The following SIPA1L1 variants were observed in gnomAD, a reference collection of about 807,000 sequenced individuals.
SIPA1L1 encodes signal-induced proliferation-associated 1-like protein 1.
SIPA1L1 carries 26 observed loss-of-function variants against 162.7 expected under a neutral mutation model. The ratio of observed to expected loss-of-function variants is 0.16; its 90% CI spans 0.12 to 0.22. The LOEUF is 0.22. Among genes scored for constraint, SIPA1L1 ranks in the 10% least tolerant of loss-of-function variants. The pLI is 1.00. For missense variants in SIPA1L1, 1,874 were observed against 2,241.0 expected, an observed-to-expected ratio of 0.84 and a Z score of 3.31; for synonymous variants, 829 against 837.4, an observed-to-expected ratio of 0.99 and a Z score of 0.17.
At chr14:71,737,659 T>G (rs1205788378) in intron 22 of SIPA1L1, among the ~76,000 whole-genome samples, 1 of 152,050 alleles carries the variant, frequency 6.6e-6, no homozygotes, top group African/African-American at 2.4e-5. Context: ...AAGAAAATGG[T>G]TTTTTGATCA....
intron 2 of SIPA1L1, among the ~76,000 whole-genome samples, chr14:71,423,235 G>A (rs987942347): frequency 6.6e-6 from 1 of 152,060 alleles, no homozygotes; most frequent in African/African-American, 2.4e-5. Flanking sequence ...TCAGATATAT[G>A]AATATGATTT....
chr14:71,382,274 T>G (rs1324422161), intron 2 of SIPA1L1, among the ~76,000 whole-genome samples: 1 of 152,192 alleles, frequency 6.6e-6, no homozygotes, highest in Non-Finnish European at 1.5e-5. Flanking sequence ...TGTAGTTTGG[T>G]GCTGATATTA....
At chr14:71,667,622 G>A (rs555968165) in intron 10 of SIPA1L1, among the ~76,000 whole-genome samples, 41 of 152,324 alleles carry the variant, frequency 2.7e-4, no homozygotes, top group African/African-American at 8.9e-4. Context: ...TCCAAGAAGA[G>A]GAAACTTCCT....
intron 8 of SIPA1L1, among the ~76,000 whole-genome samples, chr14:71,655,365 C>G (rs1008491029): frequency 3.9e-5 from 6 of 152,086 alleles, no homozygotes; most frequent in Non-Finnish European, 8.8e-5. Flanking sequence ...TTTATCCAGT[C>G]TACCATTGAT....
chr14:71,479,117 C>T (rs1263957170), intron 2 of SIPA1L1, among the ~76,000 whole-genome samples: 3 of 152,002 alleles, frequency 2.0e-5, no homozygotes, highest in African/African-American at 2.4e-5. Context: ...TGATTTCTTA[C>T]GAAAAAAGTG....
At chr14:71,639,391 C>G (rs1166563722) in intron 7 of SIPA1L1, among the ~76,000 whole-genome samples, 1 of 152,166 alleles carries the variant, frequency 6.6e-6, no homozygotes, top group Non-Finnish European at 1.5e-5. Context: ...GCCTGGGTGA[C>G]AGATTAAGTC....
Position 71,724,817 on chromosome 14 carries a change from A to G in SIPA1L1, c.4596A>G (p.Glu1532=), listed in dbSNP as rs772740912. 1.3e-5 allele frequency: 21 copies of G among 1,614,026 alleles called. No individual in the cohort carries two copies. Among genetic ancestry groups the G allele is most frequent in the Admixed American group, 6.7e-5 (4 of 59,996 alleles). ...KLIDLESPTP[E]SQKSFKFHAL... ...TTGATCTTGAAAGCCCAACTCCTGA[A>G]TCACAGAAGAGTTTTAAGGTACAAG... is the stretch of plus-strand genomic sequence containing the variant. Residue 1532 remains glutamate (E), a synonymous_variant, in exon 19 of 24, where the codon GAA becomes GAG. Coordinates refer to ENST00000381232, the MANE Select transcript of SIPA1L1 (RefSeq NM_001386936.1).
chr14:71,580,969 TCTGC>T (rs889306137), intron 4 of SIPA1L1, among the ~76,000 whole-genome samples: 1 of 152,214 alleles, frequency 6.6e-6, no homozygotes, highest in African/African-American at 2.4e-5. Context: ...TTTTAATCTG[TCTGC>T]CTGCCTGCCT....
intron 5 of SIPA1L1, among the ~76,000 whole-genome samples, chr14:71,608,892 A>AAAAAAAAAACAAAAC (rs2037849139): frequency 6.6e-6 from 1 of 152,184 alleles, no homozygotes; most frequent in Non-Finnish European, 1.5e-5. Flanking sequence ...ACTCTGTCTC[A>AAAAAAAAAACAAAAC]AAAAACAAAA....
At chr14:71,522,919 C>T (rs762802435) in intron 3 of SIPA1L1, among the ~76,000 whole-genome samples, 6 of 152,152 alleles carry the variant, frequency 3.9e-5, no homozygotes, top group Admixed American at 2.6e-4. Context: ...GTGATCCACC[C>T]GCCTTGGCCT....
In SIPA1L1 at chr14:71,588,340, T is replaced by G; in HGVS notation, c.468T>G (p.Pro156=). 6.2e-7 allele frequency: 1 copy of G among 1,613,724 alleles called. No homozygotes were observed. ...ACATGGACTCCAGATTTCTCATGCCTGAAGCCTACCCCAGCTCCCCCAGAA... is the reference window on the plus strand; with the variant it reads ...ACATGGACTCCAGATTTCTCATGCCGGAAGCCTACCCCAGCTCCCCCAGAA... ...SENMDSRFLM[P]EAYPSSPRKA... The change falls in exon 5 of 24, where the codon CCT becomes CCG. Residue 156 remains proline (P), a synonymous_variant. Coordinates refer to ENST00000381232, the MANE Select transcript of SIPA1L1 (RefSeq NM_001386936.1). This position sits in a 1 kb window ranked among gnomAD's most constrained non-coding sequence, Gnocchi z 4.3.
At position 71,601,035 on chromosome 14, in the gene SIPA1L1, C is replaced by T. The variant is rs529648658; in HGVS notation, c.1498+11665C>T. On this transcript the variant is annotated intron_variant, in intron 5 of 23. Transcript: ENST00000381232. ...GTTTTTTCTAGATATAAGATTATAT[C>T]ATCAGCATAGAGGGACGGTTTGACT... 2.6e-3 allele frequency among the ~76,000 whole-genome samples: 391 copies of T among 152,228 alleles called. 1 individual carries two copies. The highest frequency in any genetic ancestry group is 8.9e-3 in the African/African-American group (368 of 41,540).
intron 3 of SIPA1L1, among the ~76,000 whole-genome samples, chr14:71,520,247 G>T (rs1005137297): frequency 6.6e-6 from 1 of 152,146 alleles, no homozygotes; most frequent in African/African-American, 2.4e-5. Flanking sequence ...AATTACAGTG[G>T]TGGAAGCCTG....
At chr14:71,388,724 G>A (rs1409501101) in intron 2 of SIPA1L1, among the ~76,000 whole-genome samples, 2 of 152,216 alleles carry the variant, frequency 1.3e-5, no homozygotes, top group Admixed American at 6.5e-5. Context: ...TCTGAAAGTG[G>A]TTGTCAGCCC....
intron 2 of SIPA1L1, among the ~76,000 whole-genome samples, chr14:71,495,345 G>T (rs1303564223): frequency 6.6e-6 from 1 of 151,566 alleles, no homozygotes; most frequent in Non-Finnish European, 1.5e-5. Context: ...GTTGGTATTG[G>T]TTATTTATGT....
Position 71,724,840 on chromosome 14 carries a change from A to G in SIPA1L1, c.4614+5A>G. On this transcript the variant is annotated splice_donor_5th_base_variant and intron_variant, in intron 19 of 23. Coordinates refer to ENST00000381232, the MANE Select transcript of SIPA1L1 (RefSeq NM_001386936.1). Reference sequence around the variant, plus strand: ...GAATCACAGAAGAGTTTTAAGGTACAAGACAGAGCTCAGGGTAGATGGCAA... The same window carrying G: ...GAATCACAGAAGAGTTTTAAGGTACGAGACAGAGCTCAGGGTAGATGGCAA... 1 of 1,613,478 alleles carries G rather than the reference A, an allele frequency of 6.2e-7. No individual in the cohort carries two copies. Among genetic ancestry groups the G allele is most frequent in the South Asian group, 1.1e-5 (1 of 90,996 alleles).
At chr14:71,664,833 G>A (rs533459251) in intron 10 of SIPA1L1, among the ~76,000 whole-genome samples, 1 of 151,986 alleles carries the variant, frequency 6.6e-6, no homozygotes, top group Non-Finnish European at 1.5e-5. Context: ...AGAGGTGTGG[G>A]GTCATTACAG....
intron 6 of SIPA1L1, among the ~76,000 whole-genome samples, chr14:71,621,363 G>A (rs1046452766): frequency 3.3e-5 from 5 of 151,988 alleles, no homozygotes; most frequent in South Asian, 2.1e-4. Context: ...ATCTCTCTGC[G>A]CCTCATCCCT....
rs1203307208 is a variant in SIPA1L1, at chr14:71,707,833, T to C, written c.3766-1389T>C. ...GGTATATATATATACCAACGTAGAA[T>C]TGCAGCTGTTTTCCCATAGTTACCA... On this transcript the variant is annotated intron_variant, in intron 16 of 23. Coordinates refer to ENST00000381232, the MANE Select transcript of SIPA1L1 (RefSeq NM_001386936.1). Among the ~76,000 whole-genome samples the C allele has an allele frequency of 2.0e-5, 3 of 152,244 alleles. No homozygotes were observed. In the East Asian group the frequency reaches 5.8e-4, roughly 29 times the overall value.
Sources: allele counts gnomAD v4.1 joint callset (sites outside exome capture counted in the v4.1 genomes callset), GRCh38; gene constraint gnomAD v4.1.1; non-coding constraint Gnocchi (gnomAD v3.1); transcripts MANE v1.5; gene names NCBI Gene and HGNC (gene_info 2026-07-23, HGNC 2026-07-21).